AFG2A: variants seen among roughly 807,000 people sequenced by gnomAD.
AFG2A encodes the protein AAA ATPase AFG2A, also known as ATPase family gene 2 protein homolog A.
chr4:123,256,794 A>T, the AFG2A span: 5 of 984,604 alleles, frequency 5.1e-6, no homozygotes, highest in Non-Finnish European at 6.0e-6. Context: ...ACTTTTATGT[A>T]TGGCAGATTA....
chr4:123,296,056 T>C, the AFG2A span, among the ~76,000 whole-genome samples: 2 of 152,096 alleles, frequency 1.3e-5, no homozygotes, highest in African/African-American at 2.4e-5. Flanking sequence ...TAGGATAGCA[T>C]CATTTTGCAG....
the AFG2A span, among the ~76,000 whole-genome samples, chr4:122,986,034 G>A: frequency 0.83 from 126,223 of 151,762 alleles, 53,627 homozygotes; most frequent in East Asian, 0.96. Flanking sequence ...TTTTGACCCA[G>A]CGCTCATTCA....
chr4:123,122,351 AT>A, the AFG2A span, among the ~76,000 whole-genome samples: 3 of 152,220 alleles, frequency 2.0e-5, no homozygotes, highest in Non-Finnish European at 4.4e-5. Context: ...AAACATCACA[AT>A]TTAGCGTAGC....
At chr4:123,071,310 G>A in the AFG2A span, among the ~76,000 whole-genome samples, 20 of 152,206 alleles carry the variant, frequency 1.3e-4, no homozygotes, top group South Asian at 8.3e-4. Context: ...GAGAAACCCC[G>A]TCTCTACTAA....
At chr4:123,251,639 T>A in the AFG2A span, among the ~76,000 whole-genome samples, 2 of 152,246 alleles carry the variant, frequency 1.3e-5, no homozygotes, top group Admixed American at 1.3e-4. Context: ...TAAATATTAA[T>A]GTTATTTGTC....
the AFG2A span, among the ~76,000 whole-genome samples, chr4:123,180,113 G>A: frequency 1.3e-5 from 2 of 151,954 alleles, no homozygotes; most frequent in South Asian, 2.1e-4. Context: ...CCAGCTACTC[G>A]GCAGAGTGAG....
the AFG2A span, among the ~76,000 whole-genome samples, chr4:123,188,116 TATC>T: frequency 1.3e-5 from 2 of 152,164 alleles, no homozygotes; most frequent in Non-Finnish European, 2.9e-5. Flanking sequence ...TTTTTATTCT[TATC>T]ATTAAACATA....
At chr4:123,180,978 C>CTTTTTTTTTTTTTTTTT in the AFG2A span, among the ~76,000 whole-genome samples, 2 of 118,366 alleles carry the variant, frequency 1.7e-5, no homozygotes, top group Non-Finnish European at 1.7e-5. Context: ...TCCTCCCCCT[C>CTTTTTTTTTTTTTTTTT]TTTTTTTTTT....
At chr4:123,256,953 C>A in the AFG2A span, 5 of 570,798 alleles carry the variant, frequency 8.8e-6, no homozygotes, top group African/African-American at 1.0e-4. Flanking sequence ...ATCTGTCACA[C>A]CAATGATGTA....
At chr4:123,167,236 T>C in the AFG2A span, among the ~76,000 whole-genome samples, 136 of 148,822 alleles carry the variant, frequency 9.1e-4, no homozygotes, top group Non-Finnish European at 1.7e-3. Flanking sequence ...CATATAGATA[T>C]CTATATATAA....
At chr4:123,202,299 C>CATATAAA in the AFG2A span, among the ~76,000 whole-genome samples, 150 of 152,048 alleles carry the variant, frequency 9.9e-4, 1 homozygote, top group Admixed American at 3.9e-4. Flanking sequence ...GCATATACTA[C>CATATAAA]TAATATGTGC....
chr4:123,272,012 A>G, the AFG2A span, among the ~76,000 whole-genome samples: 1 of 152,290 alleles, frequency 6.6e-6, no homozygotes, highest in African/African-American at 2.4e-5. Context: ...ACAATAATAC[A>G]CTGTAATACA....
chr4:123,255,141 T>A, the AFG2A span, among the ~76,000 whole-genome samples: 4 of 152,116 alleles, frequency 2.6e-5, no homozygotes, highest in African/African-American at 9.7e-5. Flanking sequence ...TTTTTGTATT[T>A]TTTTGTAGAG....
the AFG2A span, chr4:122,923,242 T>C: frequency 6.2e-7 from 1 of 1,614,200 alleles, no homozygotes; most frequent in Non-Finnish European, 8.5e-7. Flanking sequence ...ACGGGCTCCT[T>C]CTGCTGGATC....
At chr4:123,087,922 C>T in the AFG2A span, among the ~76,000 whole-genome samples, 1 of 152,110 alleles carries the variant, frequency 6.6e-6, no homozygotes, top group East Asian at 1.9e-4. Flanking sequence ...CGTTCTGGAC[C>T]AGAAATTGGA....
the AFG2A span, among the ~76,000 whole-genome samples, chr4:122,938,767 A>G: frequency 6.6e-6 from 1 of 151,058 alleles, no homozygotes; most frequent in Non-Finnish European, 1.5e-5. Context: ...ATTTTTTTTT[A>G]AATCTTCTTA....
chr4:123,220,386 C>T, the AFG2A span, among the ~76,000 whole-genome samples: 61 of 151,386 alleles, frequency 4.0e-4, 1 homozygote, highest in Non-Finnish European at 7.8e-4. Context: ...CTGAGGTGGA[C>T]GCATCACAAG....
the AFG2A span, among the ~76,000 whole-genome samples, chr4:123,123,599 A>G: frequency 6.6e-6 from 1 of 151,948 alleles, no homozygotes; most frequent in Non-Finnish European, 1.5e-5. Context: ...GAGAAATGCA[A>G]ATCAAAACCA....
the AFG2A span, among the ~76,000 whole-genome samples, chr4:123,206,743 A>G: frequency 1.3e-5 from 2 of 152,132 alleles, no homozygotes; most frequent in African/African-American, 4.8e-5. Context: ...ATGCTATTAT[A>G]TGAGATACAA....
Sources: gnomAD v4.1 joint callset for allele counts (sites outside exome capture counted in the v4.1 genomes callset) on GRCh38, gnomAD v4.1.1 for gene constraint, MANE v1.5 for transcripts, NCBI Gene and HGNC (gene_info 2026-07-23, HGNC 2026-07-21) for gene names.